Variants in OTOGL observed in about 807,000 individuals in gnomAD.
The protein encoded by OTOGL is otogelin-like protein.
Under a neutral mutation model 318.5 loss-of-function variants are expected in OTOGL, and 285 were observed. The observed-to-expected ratio is 0.89, with a 90% CI of 0.81 to 0.99. The LOEUF (loss-of-function observed/expected upper bound fraction) is 0.99, where lower values mean the gene tolerates loss of function less well. OTOGL is among the 50% of genes least tolerant of loss of function. OTOGL has a pLI of 0.00. For missense variants in OTOGL, 2,899 were observed against 2,845.6 expected (o/e 1.02, Z -0.43); for synonymous variants, 987 against 936.5 (o/e 1.05, Z -0.99).
At chr12:80,138,398 A>G (rs1871715000) in intron 1 of OTOGL, among the ~76,000 whole-genome samples, 1 of 152,204 alleles carries the variant, frequency 6.6e-6, no homozygotes, top group South Asian at 2.1e-4. Context: ...ATTTTAGCAC[A>G]GTTCTTGGCA....
chr12:80,127,891 C>T (rs977688467), intron 1 of OTOGL, among the ~76,000 whole-genome samples: 2 of 152,218 alleles, frequency 1.3e-5, no homozygotes, highest in African/African-American at 4.8e-5. Flanking sequence ...TTAGCTCCAT[C>T]AGGTCCTTTA....
chr12:80,242,675 A>G (rs1200983748), intron 11 of OTOGL, among the ~76,000 whole-genome samples: 1 of 152,100 alleles, frequency 6.6e-6, no homozygotes, highest in African/African-American at 2.4e-5. Flanking sequence ...TCTTTTGAGT[A>G]TCTATTCTGA....
rs749418246 is a variant in OTOGL at position 80,339,267 on chromosome 12, G to A, written c.5050+3G>A. 1.9e-6 allele frequency: 3 copies of A among 1,539,752 alleles called. No homozygotes were observed. Among genetic ancestry groups the A allele is most frequent in the South Asian group, 1.2e-5 (1 of 85,396 alleles). On this transcript the variant is annotated splice_donor_region_variant and intron_variant, in intron 43 of 58. Coordinates refer to ENST00000547103, the MANE Select transcript of OTOGL (RefSeq NM_001378609.3). The stretch of plus-strand genomic sequence containing the variant: ...ATCCTACACAGAAGGACTCTGTGGT[G>A]AGCGCTGCCCTTCAAATCTTGATTT...
chr12:80,310,136 A>G (rs999379477), intron 29 of OTOGL, among the ~76,000 whole-genome samples: 2 of 152,172 alleles, frequency 1.3e-5, no homozygotes, highest in African/African-American at 4.8e-5. Context: ...TTGCCTTTAT[A>G]TTTAACAATG....
chr12:80,184,521 C>T (rs1291870426), intron 1 of OTOGL, among the ~76,000 whole-genome samples: 2 of 152,120 alleles, frequency 1.3e-5, no homozygotes, highest in African/African-American at 2.4e-5. Context: ...AAATTGTTTT[C>T]TAAAGTCTGA....
intron 27 of OTOGL, among the ~76,000 whole-genome samples, chr12:80,297,341 T>G (rs1447845799): frequency 2.0e-5 from 3 of 150,760 alleles, no homozygotes; most frequent in Non-Finnish European, 4.4e-5. Flanking sequence ...CTTTTTTTTT[T>G]TTTTTTTTGA....
intron 11 of OTOGL, among the ~76,000 whole-genome samples, chr12:80,242,504 T>A (rs1880468016): frequency 6.6e-6 from 1 of 152,142 alleles, no homozygotes; most frequent in Non-Finnish European, 1.5e-5. Context: ...TTTACATTCT[T>A]TCTTCCATTC....
chr12:80,345,900 G>T (rs1255432999), intron 44 of OTOGL, among the ~76,000 whole-genome samples: 1 of 152,070 alleles, frequency 6.6e-6, no homozygotes, highest in Non-Finnish European at 1.5e-5. Context: ...CTGCATTCTG[G>T]TCATGATGAT....
At chr12:80,307,767 G>A (rs1227096934) in intron 29 of OTOGL, among the ~76,000 whole-genome samples, 3 of 145,154 alleles carry the variant, frequency 2.1e-5, no homozygotes, top group South Asian at 2.2e-4. Context: ...CCTCCCGGAC[G>A]GGGTGGCTGG....
chr12:80,269,095 C>A (rs1441095882), intron 22 of OTOGL, among the ~76,000 whole-genome samples: 1 of 152,026 alleles, frequency 6.6e-6, no homozygotes, highest in African/African-American at 2.4e-5. Context: ...CAAATTCAAT[C>A]AGAAGTGACT....
At chr12:80,368,370 A>C (rs898483808) in intron 55 of OTOGL, 61 bp downstream of exon 55, 31 of 1,284,992 alleles carry the variant, frequency 2.4e-5, no homozygotes, top group Non-Finnish European at 3.2e-5. Context: ...CTTGAGTCAA[A>C]GTTTGGAAAA....
intron 1 of OTOGL, among the ~76,000 whole-genome samples, chr12:80,144,207 TC>T (rs1872166430): frequency 6.6e-6 from 1 of 151,672 alleles, no homozygotes; most frequent in Non-Finnish European, 1.5e-5. Flanking sequence ...CCCTTCCCAC[TC>T]CCCCCACCCC....
At chr12:80,172,957 ACAT>A (rs1292082098) in intron 1 of OTOGL, among the ~76,000 whole-genome samples, 1 of 152,166 alleles carries the variant, frequency 6.6e-6, no homozygotes, top group East Asian at 1.9e-4. Flanking sequence ...AGGAGGGAGC[ACAT>A]CAGGAAGAAT....
intron 1 of OTOGL, among the ~76,000 whole-genome samples, chr12:80,161,274 A>G (rs1873499676): frequency 6.6e-6 from 1 of 152,136 alleles, no homozygotes; most frequent in Admixed American, 6.6e-5. Context: ...ATAAAAATGT[A>G]GAAAAAGGGA....
At chr12:80,237,768 C>T (rs898214544) in intron 9 of OTOGL, among the ~76,000 whole-genome samples, 1 of 152,074 alleles carries the variant, frequency 6.6e-6, no homozygotes, top group Non-Finnish European at 1.5e-5. Flanking sequence ...ATCTTCCCGG[C>T]GTTTGATAGT....
chr12:80,115,071 G>T (rs1870079572), intron 1 of OTOGL, among the ~76,000 whole-genome samples: 1 of 151,948 alleles, frequency 6.6e-6, no homozygotes, highest in African/African-American at 2.4e-5. Flanking sequence ...AGAAGTTTAT[G>T]ACCCACCTTC....
At chr12:80,155,269 G>T (rs1873041593) in intron 1 of OTOGL, among the ~76,000 whole-genome samples, 1 of 152,152 alleles carries the variant, frequency 6.6e-6, no homozygotes, top group Non-Finnish European at 1.5e-5. Flanking sequence ...CAGAGTAGAA[G>T]TTTTAAATTT....
intron 22 of OTOGL, 149 bp from the exon 23 acceptor site, chr12:80,269,953 C>A: frequency 1.5e-6 from 1 of 648,980 alleles, no homozygotes; most frequent in Non-Finnish European, 2.6e-6. Context: ...TGGACCTAAC[C>A]CAACAGCTTG....
intron 44 of OTOGL, among the ~76,000 whole-genome samples, chr12:80,350,533 G>T (rs1889478684): frequency 6.6e-6 from 1 of 151,980 alleles, no homozygotes. Flanking sequence ...AGTGTGCAAG[G>T]GTTATCTTTT....
Sources: allele counts gnomAD v4.1 joint callset (sites outside exome capture counted in the v4.1 genomes callset), GRCh38; gene constraint gnomAD v4.1.1; transcripts MANE v1.5; gene names NCBI Gene and HGNC (gene_info 2026-07-23, HGNC 2026-07-21).